The following DGAT2 variants were observed in gnomAD, a reference collection of about 807,000 sequenced individuals.
DGAT2 encodes the protein acyl-CoA retinol O-fatty-acyltransferase.
In DGAT2, 33 loss-of-function variants were observed where a neutral mutation model predicts 48.4. The ratio of observed to expected loss-of-function variants is 0.68; its 90% CI spans 0.52 to 0.91. DGAT2 has a LOEUF of 0.91. Among genes scored for constraint, DGAT2 ranks in the 40% least tolerant of loss-of-function variants. The pLI is 0.00. For synonymous variants in DGAT2, 191 were observed against 194.1 expected, an observed-to-expected ratio of 0.98 and a Z score of 0.13; for missense variants, 446 against 493.7, an observed-to-expected ratio of 0.90 and a Z score of 0.92.
intron 1 of DGAT2, among the ~76,000 whole-genome samples, chr11:75,778,045 T>G (rs1037349336): frequency 6.6e-6 from 1 of 152,196 alleles, no homozygotes; most frequent in African/African-American, 2.4e-5. Context: ...CACTGCTGTT[T>G]CCCCAGGGCT....
intron 2 of DGAT2, among the ~76,000 whole-genome samples, chr11:75,788,219 TG>T (rs1214192849): frequency 6.6e-6 from 1 of 152,122 alleles, no homozygotes; most frequent in Non-Finnish European, 1.5e-5. Context: ...CTGTAGAGTC[TG>T]GGGGGCTAGA....
chr11:75,775,083 T>G (rs1944792005), intron 1 of DGAT2, among the ~76,000 whole-genome samples: 1 of 152,218 alleles, frequency 6.6e-6, no homozygotes, highest in South Asian at 2.1e-4. Context: ...AGCCCGAGGA[T>G]GGGCTTATAT....
rs1007652289 is a variant in DGAT2 at position 75,770,391 on chromosome 11, C to T, written c.121+1279C>T. The stretch of plus-strand genomic sequence containing the variant: ...CCCTTGAAGAGGAACCCAGCTGCTG[C>T]CCTGTCTCGGGGGCGAGCAGCTTGA... On this transcript the variant is annotated intron_variant, in intron 1 of 7. Transcript: ENST00000228027. Among the ~76,000 whole-genome samples, 7 of 152,254 alleles carry T rather than the reference C, an allele frequency of 4.6e-5. No homozygotes were observed. The East Asian group carries it at 1.3e-3, about 29-fold the overall frequency.
intron 6 of DGAT2, 51 bp downstream of exon 6, chr11:75,797,383 G>C: frequency 2.9e-6 from 4 of 1,379,934 alleles, no homozygotes; most frequent in Non-Finnish European, 3.8e-6. Flanking sequence ...CCTCAGCCCA[G>C]GGCAGCAGAC....
chr11:75,770,181 C>T (rs1016494069), intron 1 of DGAT2, among the ~76,000 whole-genome samples: 3 of 152,192 alleles, frequency 2.0e-5, no homozygotes, highest in African/African-American at 7.2e-5. Context: ...ATCTTGTTTT[C>T]TCCCCCTTAA....
intron 4 of DGAT2, among the ~76,000 whole-genome samples, chr11:75,791,573 G>A (rs1944990749): frequency 6.6e-6 from 1 of 152,208 alleles, no homozygotes; most frequent in African/African-American, 2.4e-5. Flanking sequence ...GCATAGTCTA[G>A]TATGATGGCA....
chr11:75,769,895 C>T (rs548207703), intron 1 of DGAT2, among the ~76,000 whole-genome samples: 1 of 152,158 alleles, frequency 6.6e-6, no homozygotes, highest in South Asian at 2.1e-4. Flanking sequence ...GCATGAAGCC[C>T]CTCTCCCTCT....
intron 1 of DGAT2, among the ~76,000 whole-genome samples, chr11:75,771,010 GGCCTAGTTT>G (rs1050739663): frequency 1.1e-4 from 16 of 152,124 alleles, no homozygotes; most frequent in Non-Finnish European, 2.1e-4. Flanking sequence ...ACTCCCCAGT[GGCCTAGTTT>G]GCCTCTGTGG....
rs200567220 is a variant in DGAT2, at chr11:75,797,288, C to A, written c.765C>A (p.Thr255=). Residue 255 remains threonine, a synonymous_variant, in exon 6 of 8, where the codon ACC becomes ACA. Coordinates refer to ENST00000228027, the MANE Select transcript of DGAT2 (RefSeq NM_032564.5). ...CCATGCCTGGCAAGAATGCAGTCAC[C>A]CTGCGGAACCGCAAGGGCTTTGTGA... The part of the protein sequence containing the change: ...LSSMPGKNAV[T]LRNRKGFVKL... 87 of 1,562,416 alleles carry A rather than the reference C, an allele frequency of 5.6e-5. No homozygotes were observed. In the Middle Eastern group the frequency reaches 1.5e-3, roughly 28 times the overall value.
At chr11:75,791,894 A>G (rs1315586615) in intron 4 of DGAT2, among the ~76,000 whole-genome samples, 2 of 152,220 alleles carry the variant, frequency 1.3e-5, no homozygotes, top group Admixed American at 6.5e-5. Context: ...ACTTTCTGCC[A>G]TGGGGCCATG....
At chr11:75,779,072 G>A (rs1409342333) in intron 1 of DGAT2, among the ~76,000 whole-genome samples, 1 of 152,130 alleles carries the variant, frequency 6.6e-6, no homozygotes, top group Admixed American at 6.5e-5. Context: ...GGTTTCATCA[G>A]CCCCGAGGTG....
rs147172053 is a variant in DGAT2 at position 75,774,896 on chromosome 11, G to T, written c.121+5784G>T. Among the ~76,000 whole-genome samples, 389 of 152,254 alleles carry T rather than the reference G, an allele frequency of 2.6e-3. 5 individuals are homozygous for T. Among genetic ancestry groups the T allele is most frequent in the African/African-American group, 9.0e-3 (373 of 41,546 alleles). On this transcript the variant is annotated intron_variant, in intron 1 of 7. Coordinates refer to ENST00000228027, the MANE Select transcript of DGAT2 (RefSeq NM_032564.5). ...TGCTTGGTCACAGTGGGTGGGGTGG[G>T]GGAAGTGGGCCCCTGGGGTCCTCAG...
chr11:75,788,775 C>G (rs1434196817), intron 2 of DGAT2, among the ~76,000 whole-genome samples: 1 of 152,190 alleles, frequency 6.6e-6, no homozygotes, highest in Non-Finnish European at 1.5e-5. Flanking sequence ...AGAAGGAGTC[C>G]ATGCTTCTCC....
rs182421280 is a variant in DGAT2 at position 75,789,140 on chromosome 11, C to T, written c.251-1048C>T. On this transcript the variant is annotated intron_variant, in intron 2 of 7. Coordinates refer to ENST00000228027, the MANE Select transcript of DGAT2 (RefSeq NM_032564.5). ...CCCCCAGGCAAGTCTTCCAAGTGTG[C>T]TGTTAGGGTTTTTTTTTTTTTACTT... 2.4e-4 allele frequency among the ~76,000 whole-genome samples: 37 copies of T among 151,962 alleles called. 1 individual carries two copies. Among genetic ancestry groups the T allele is most frequent in the Middle Eastern group, 6.8e-3 (2 of 294 alleles).
intron 2 of DGAT2, among the ~76,000 whole-genome samples, chr11:75,789,833 T>C (rs1944965061): frequency 6.6e-6 from 1 of 152,146 alleles, no homozygotes; most frequent in South Asian, 2.1e-4. Context: ...ATCCACAGTG[T>C]CTGGGCTGGG....
In DGAT2 at chr11:75,790,224, G is replaced by T; in HGVS notation, c.287G>T (p.Cys96Phe). 1 of 1,614,138 alleles carries T rather than the reference G, an allele frequency of 6.2e-7. No homozygotes were observed. Among genetic ancestry groups the T allele is most frequent in the South Asian group, 1.1e-5 (1 of 91,088 alleles). Residue 96 changes from cysteine (C) to phenylalanine (F), a missense_variant, in exon 3 of 8, where the codon TGC becomes TTC. Transcript: ENST00000228027. ...ACSAILMYIF[C>F]TDCWLIAVLY... ...AGTGCCATCCTCATGTACATATTCTGCACTGATTGCTGGCTCATCGCTGTG... is the reference window on the plus strand; with the variant it reads ...AGTGCCATCCTCATGTACATATTCTTCACTGATTGCTGGCTCATCGCTGTG...
intron 3 of DGAT2, 52 bp downstream of exon 3, chr11:75,790,347 C>T: frequency 6.9e-7 from 1 of 1,458,086 alleles, no homozygotes; most frequent in Non-Finnish European, 9.6e-7. Context: ...ATGCTCTTCC[C>T]CCTGCACAAG....
At position 75,797,299 on chromosome 11, in the gene DGAT2, G is replaced by A. The variant is rs1945067837; in HGVS notation, c.776G>A (p.Arg259His). 2.2e-5 allele frequency: 34 copies of A among 1,545,078 alleles called. No homozygotes were observed. The highest frequency in any genetic ancestry group is 5.6e-5 in the African/African-American group (4 of 72,048). ...PGKNAVTLRNRKGFVKLALRH... is the reference protein window; with the variant it reads ...PGKNAVTLRNHKGFVKLALRH... ...AAGAATGCAGTCACCCTGCGGAACC[G>A]CAAGGGCTTTGTGAAACTGGCCCTG... Residue 259 changes from arginine to histidine, a missense_variant, in exon 6 of 8, where the codon CGC becomes CAC. Transcript: ENST00000228027.
At chr11:75,794,130 T>TCA (rs1219385153) in intron 4 of DGAT2, 1 of 152,258 alleles carries the variant, frequency 6.6e-6, no homozygotes, top group Non-Finnish European at 1.5e-5. Flanking sequence ...GGAGTCTTGC[T>TCA]CACATTTGCA....
Sources: gnomAD v4.1 joint callset for allele counts (sites outside exome capture counted in the v4.1 genomes callset) on GRCh38, gnomAD v4.1.1 for gene constraint, MANE v1.5 for transcripts, NCBI Gene and HGNC (gene_info 2026-07-23, HGNC 2026-07-21) for gene names.